WDR64: variants seen among roughly 807,000 people sequenced by gnomAD.
The protein encoded by WDR64 is WD repeat-containing protein 64.
In WDR64, 112 loss-of-function variants were observed where a neutral mutation model predicts 139.3. The ratio of observed to expected loss-of-function variants is 0.80; its 90% CI spans 0.69 to 0.94. The LOEUF (loss-of-function observed/expected upper bound fraction) is 0.94, where lower values mean the gene tolerates loss of function less well. Ranked by LOEUF, WDR64 falls within the 40% of genes least tolerant of loss-of-function variation. The pLI is 0.00. For synonymous variants in WDR64, 444 were observed against 437.7 expected, an observed-to-expected ratio of 1.01 and a Z score of -0.18; for missense variants, 1,206 against 1,293.1, an observed-to-expected ratio of 0.93 and a Z score of 1.03.
chr1:241,700,927 A>G (rs921465085), intron 8 of WDR64, among the ~76,000 whole-genome samples: 3 of 152,234 alleles, frequency 2.0e-5, no homozygotes, highest in African/African-American at 7.2e-5. Context: ...CCATGAAAAT[A>G]ATAAATACCC....
At chr1:241,727,540 C>G (rs535859695) in intron 10 of WDR64, among the ~76,000 whole-genome samples, 15 of 152,262 alleles carry the variant, frequency 9.9e-5, no homozygotes, top group African/African-American at 3.4e-4. Flanking sequence ...GGAGGTCATT[C>G]ATTTGGTTAT....
chr1:241,765,920 C>G (rs57776943), intron 15 of WDR64, among the ~76,000 whole-genome samples: 2 of 151,686 alleles, frequency 1.3e-5, no homozygotes, highest in Non-Finnish European at 2.9e-5. Context: ...ATTCTTTCAA[C>G]AAGTTTGAAG....
intron 22 of WDR64, among the ~76,000 whole-genome samples, chr1:241,781,228 T>A (rs531369536): frequency 2.6e-5 from 4 of 152,232 alleles, no homozygotes; most frequent in Non-Finnish European, 5.9e-5. Flanking sequence ...TAGAATAATA[T>A]TGAGTTACAA....
rs370292133 is a variant in WDR64, at chr1:241,720,205, G to C, written c.1055-3092G>C. ...TATTTTCTTTATCCCATCTATCATCGATGGGTGTTTGGGTTGATTCCATGT... is the reference window on the plus strand; with the variant it reads ...TATTTTCTTTATCCCATCTATCATCCATGGGTGTTTGGGTTGATTCCATGT... On this transcript the variant is annotated intron_variant, in intron 9 of 27. Transcript: ENST00000437684. Among the ~76,000 whole-genome samples, 5 of 152,056 alleles carry C rather than the reference G, an allele frequency of 3.3e-5. No individual in the cohort carries two copies. The East Asian group carries it at 7.7e-4, about 23-fold the overall frequency.
intron 8 of WDR64, among the ~76,000 whole-genome samples, chr1:241,695,559 T>C (rs1037525672): frequency 6.6e-6 from 1 of 152,094 alleles, no homozygotes; most frequent in Non-Finnish European, 1.5e-5. Flanking sequence ...ATAGGCACAG[T>C]AGAAGTTAAG....
At chr1:241,738,218 C>T in intron 10 of WDR64, 145 bp from the exon 11 acceptor site, 1 of 1,019,546 alleles carries the variant, frequency 9.8e-7, no homozygotes, top group South Asian at 2.1e-5. Context: ...TAAATTGGAG[C>T]TTAGCAAATG....
chr1:241,655,240 G>A (rs1665537425), intron 1 of WDR64, among the ~76,000 whole-genome samples: 2 of 152,000 alleles, frequency 1.3e-5, no homozygotes, highest in African/African-American at 4.8e-5. Context: ...AAAATTAGCT[G>A]GGCATGGTGA....
chr1:241,753,226 C>A (rs1670043838), intron 14 of WDR64, among the ~76,000 whole-genome samples: 1 of 152,160 alleles, frequency 6.6e-6, no homozygotes, highest in South Asian at 2.1e-4. Flanking sequence ...AGAACTAAGA[C>A]TAGAAACTGG....
At position 241,796,365 on chromosome 1, in the gene WDR64, G is replaced by T. The variant is rs1419363031; in HGVS notation, c.3187G>T (p.Glu1063Ter). The T allele has an allele frequency of 6.2e-7, 1 of 1,607,074 alleles. No homozygotes were observed. Among genetic ancestry groups the T allele is most frequent in the African/African-American group, 1.3e-5 (1 of 74,668 alleles). The change falls in exon 27 of 28, where the codon GAA becomes TAA. Residue 1063 changes from glutamate (E) to a stop codon, truncating the protein, a stop_gained. Coordinates refer to ENST00000437684, the MANE Select transcript of WDR64 (RefSeq NM_001367482.1). LOFTEE classifies it high-confidence loss of function. The stretch of plus-strand genomic sequence containing the variant: ...GAAGAAGGGAGGTCATGTTCAACGT[G>T]AAAAAGTAAGTTAGTACTAATTCCA... ...GKKKGGHVQR[E>*]KAPRRRSLKK...
At chr1:241,687,291 G>A (rs924662000) in intron 7 of WDR64, among the ~76,000 whole-genome samples, 170 bp from the exon 8 acceptor site, 45 of 142,392 alleles carry the variant, frequency 3.2e-4, no homozygotes, top group African/African-American at 9.7e-4. Flanking sequence ...AGGCGAGAGA[G>A]CAAGACTCCA....
intron 8 of WDR64, among the ~76,000 whole-genome samples, chr1:241,708,269 G>A: frequency 6.6e-6 from 1 of 152,220 alleles, no homozygotes; most frequent in East Asian, 1.9e-4. Flanking sequence ...TTTTAATTCA[G>A]TAATATATGA....
chr1:241,796,492 CTT>C (rs5782206), intron 27 of WDR64, 122 bp downstream of exon 27: 21,218 of 494,828 alleles, frequency 0.043, no homozygotes, highest in Middle Eastern at 0.063. Context: ...TCAGTTCATA[CTT>C]TTTTTTTTTT....
chr1:241,700,035 A>G (rs1324081827), intron 8 of WDR64, among the ~76,000 whole-genome samples: 5 of 151,750 alleles, frequency 3.3e-5, no homozygotes, highest in African/African-American at 1.2e-4. Flanking sequence ...ATACTACTTT[A>G]GAAGAGAAAT....
chr1:241,775,013 C>A, intron 20 of WDR64, 92 bp from the exon 21 acceptor site: 1 of 942,854 alleles, frequency 1.1e-6, no homozygotes, highest in Non-Finnish European at 1.6e-6. Context: ...TCTTGAGATG[C>A]ATTATTTACA....
At chr1:241,714,621 A>G (rs928678719) in intron 9 of WDR64, among the ~76,000 whole-genome samples, 1 of 152,194 alleles carries the variant, frequency 6.6e-6, no homozygotes, top group Admixed American at 6.5e-5. Flanking sequence ...TGTGCATTCA[A>G]AATTTATATT....
chr1:241,717,673 C>A lies in WDR64; in HGVS notation c.1055-5624C>A, dbSNP rs527244168. Reference sequence around the variant, plus strand: ...GCAACAAAAAAACAGGGAATTAACTCTTTATGAGCCATAATATTTATAGTA... The same window carrying A: ...GCAACAAAAAAACAGGGAATTAACTATTTATGAGCCATAATATTTATAGTA... On this transcript the variant is annotated intron_variant, in intron 9 of 27. Coordinates refer to ENST00000437684, the MANE Select transcript of WDR64 (RefSeq NM_001367482.1). 2.0e-5 allele frequency among the ~76,000 whole-genome samples: 3 copies of A among 152,128 alleles called. No individual in the cohort carries two copies. In the East Asian group the frequency reaches 5.8e-4, roughly 29 times the overall value.
chr1:241,711,877 T>C lies in WDR64; in HGVS notation c.1050T>C (p.Thr350=), dbSNP rs140986529. 6.6e-5 allele frequency: 107 copies of C among 1,614,188 alleles called. No homozygotes were observed. Among genetic ancestry groups the C allele is most frequent in the Middle Eastern group, 1.6e-4 (1 of 6,062 alleles). The stretch of plus-strand genomic sequence containing the variant: ...GTGTTAAGGCAAATGTGATTGTCAC[T>C]GGAGGTGAGAGGGCGGTTCACATTA... ...CYCVKANVIV[T]GGDDKVIRLW... The change falls in exon 9 of 28, where the codon ACT becomes ACC. Residue 350 remains threonine (T), a synonymous_variant. Coordinates refer to ENST00000437684, the MANE Select transcript of WDR64 (RefSeq NM_001367482.1).
Position 241,801,966 on chromosome 1 carries a change from A to G in WDR64, c.*751A>G, listed in dbSNP as rs1348017444. ...ATGTTGTTTACAAGAAACACATCTAACATACAAGGACACCAAACTCTTAAA... is the reference window on the plus strand; with the variant it reads ...ATGTTGTTTACAAGAAACACATCTAGCATACAAGGACACCAAACTCTTAAA... On this transcript the variant is annotated 3_prime_UTR_variant, in exon 28 of 28. Transcript: ENST00000437684. 5.0e-6 allele frequency: 2 copies of G among 397,886 alleles called. No homozygotes were observed. The highest frequency in any genetic ancestry group is 4.1e-5 in the African/African-American group (2 of 48,598). The allele number at this position is 397,886 out of a possible 1,614,324, so 24.6% of individuals were successfully genotyped here.
intron 22 of WDR64, among the ~76,000 whole-genome samples, chr1:241,782,283 T>C (rs1029716849): frequency 1.3e-5 from 2 of 152,194 alleles, no homozygotes; most frequent in Admixed American, 1.3e-4. Flanking sequence ...CGAGACTCTG[T>C]CTCAAAAGAA....
Sources: gnomAD v4.1 joint callset for allele counts (sites outside exome capture counted in the v4.1 genomes callset) on GRCh38, gnomAD v4.1.1 for gene constraint, MANE v1.5 for transcripts, NCBI Gene and HGNC (gene_info 2026-07-23, HGNC 2026-07-21) for gene names.